Variants in CBFA2T2 observed in about 807,000 individuals in gnomAD.
CBFA2T2 encodes the protein protein CBFA2T2.
A neutral mutation model predicts 62.2 loss-of-function variants in CBFA2T2; 11 were observed. That is an observed-to-expected ratio of 0.18 (90% CI 0.11 to 0.29). The LOEUF (loss-of-function observed/expected upper bound fraction) is 0.29. Among genes scored for constraint, CBFA2T2 ranks in the 10% least tolerant of loss-of-function variants. CBFA2T2 has a pLI of 1.00. For missense variants in CBFA2T2, 592 were observed against 774.1 expected, an observed-to-expected ratio of 0.76 and a Z score of 2.79; for synonymous variants, 295 against 287.5, an observed-to-expected ratio of 1.03 and a Z score of -0.27.
chr20:33,585,379 T>A (rs2014316544), intron 1 of CBFA2T2, among the ~76,000 whole-genome samples: 1 of 152,260 alleles, frequency 6.6e-6, no homozygotes. Context: ...GTCTATTTTT[T>A]AATAAATAAT....
intron 3 of CBFA2T2, among the ~76,000 whole-genome samples, chr20:33,618,096 C>A (rs559763015): frequency 6.6e-6 from 1 of 151,984 alleles, no homozygotes. Flanking sequence ...TGCTCTACCC[C>A]CTCCCTGCAT....
chr20:33,591,544 G>A (rs2014637271), intron 1 of CBFA2T2, among the ~76,000 whole-genome samples: 1 of 151,288 alleles, frequency 6.6e-6, no homozygotes, highest in Admixed American at 6.6e-5. Context: ...TCACATCCAA[G>A]TTAACTGAGG....
intron 1 of CBFA2T2, among the ~76,000 whole-genome samples, chr20:33,533,154 C>T (rs1419279621): frequency 6.6e-6 from 1 of 152,068 alleles, no homozygotes; most frequent in Admixed American, 6.6e-5. Context: ...TTACAATAAA[C>T]TACACATATG....
chr20:33,628,209 G>A (rs2016317461), intron 6 of CBFA2T2, 141 bp from the exon 7 acceptor site: 1 of 616,650 alleles, frequency 1.6e-6, no homozygotes, highest in Non-Finnish European at 2.9e-6. Flanking sequence ...TTGTCATTTT[G>A]TGGGTCCCCC....
intron 1 of CBFA2T2, among the ~76,000 whole-genome samples, chr20:33,496,918 G>A (rs973963198): frequency 1.3e-5 from 2 of 151,976 alleles, no homozygotes; most frequent in African/African-American, 4.8e-5. Context: ...TCCTACTCCC[G>A]TCTCATGGGT....
chr20:33,643,783 A>AG (rs1340818842), intron 10 of CBFA2T2, among the ~76,000 whole-genome samples: 1 of 30,044 alleles, frequency 3.3e-5, no homozygotes, highest in African/African-American at 1.9e-4. Flanking sequence ...ATATATATAT[A>AG]TATATATATA....
At chr20:33,642,207 C>T (rs1322601116) in intron 10 of CBFA2T2, among the ~76,000 whole-genome samples, 1 of 150,664 alleles carries the variant, frequency 6.6e-6, no homozygotes, top group Non-Finnish European at 1.5e-5. Flanking sequence ...GTCTTGAACT[C>T]CTGGGCTCAA....
At chr20:33,501,635 T>TC (rs1213879786) in intron 1 of CBFA2T2, among the ~76,000 whole-genome samples, 2 of 113,566 alleles carry the variant, frequency 1.8e-5, no homozygotes, top group Non-Finnish European at 3.6e-5. Flanking sequence ...CCTTCCTTTT[T>TC]TTTTTTTTTT....
At chr20:33,500,755 G>A (rs1474189961) in intron 1 of CBFA2T2, among the ~76,000 whole-genome samples, 1 of 151,936 alleles carries the variant, frequency 6.6e-6, no homozygotes, top group East Asian at 1.9e-4. Context: ...CCAAATAATT[G>A]GGGTATGATT....
intron 1 of CBFA2T2, among the ~76,000 whole-genome samples, chr20:33,521,546 G>T (rs2011729896): frequency 6.6e-6 from 1 of 152,152 alleles, no homozygotes; most frequent in Non-Finnish European, 1.5e-5. Flanking sequence ...GCTGACCTGG[G>T]CTTGCCTGAT....
At chr20:33,568,573 T>TGTCCCTCTGCTCC (rs1280497408) in intron 1 of CBFA2T2, among the ~76,000 whole-genome samples, 7 of 152,304 alleles carry the variant, frequency 4.6e-5, no homozygotes, top group African/African-American at 1.7e-4. Context: ...GTGCCTGCTC[T>TGTCCCTCTGCTCC]GTCCCTCTGC....
intron 3 of CBFA2T2, among the ~76,000 whole-genome samples, chr20:33,617,443 C>G (rs1051077748): frequency 6.6e-6 from 1 of 152,188 alleles, no homozygotes; most frequent in Non-Finnish European, 1.5e-5. Context: ...GTTTATCCCT[C>G]TCATACAGGA....
intron 1 of CBFA2T2, among the ~76,000 whole-genome samples, chr20:33,584,805 A>G (rs1453322540): frequency 6.6e-6 from 1 of 152,184 alleles, no homozygotes; most frequent in African/African-American, 2.4e-5. Context: ...TATTTTATAG[A>G]GCTTGAGCCA....
At position 33,649,458 on chromosome 20, in the gene CBFA2T2, G is replaced by C. The variant is rs1175907076; in HGVS notation, c.*4812G>C. ...GGTGACCTTTTCCATCGTGAGCTAAGAGAAGGTTAGGAGGCCTGAGGGGCG... is the reference window on the plus strand; with the variant it reads ...GGTGACCTTTTCCATCGTGAGCTAACAGAAGGTTAGGAGGCCTGAGGGGCG... On this transcript the variant is annotated 3_prime_UTR_variant, in exon 11 of 11. Coordinates refer to ENST00000342704, the MANE Select transcript of CBFA2T2 (RefSeq NM_001032999.3). The C allele has an allele frequency of 6.6e-6, 1 of 152,658 alleles. No homozygotes were observed. The highest frequency in any genetic ancestry group is 2.4e-5 in the African/African-American group (1 of 41,462). The allele number at this position is 152,658 out of a possible 1,614,324, so 9.5% of individuals were successfully genotyped here.
intron 1 of CBFA2T2, among the ~76,000 whole-genome samples, chr20:33,582,169 G>T (rs910260350): frequency 6.6e-6 from 1 of 152,050 alleles, no homozygotes; most frequent in Non-Finnish European, 1.5e-5. Context: ...ACAGTGCTTG[G>T]GTCATGTTAG....
At chr20:33,527,047 C>A (rs1411689600) in intron 1 of CBFA2T2, among the ~76,000 whole-genome samples, 1 of 152,160 alleles carries the variant, frequency 6.6e-6, no homozygotes, top group African/African-American at 2.4e-5. Flanking sequence ...TGTTCCAGTC[C>A]TCAGCTGCAT....
intron 5 of CBFA2T2, among the ~76,000 whole-genome samples, chr20:33,624,337 A>T (rs2016131761): frequency 8.1e-6 from 1 of 123,180 alleles, no homozygotes; most frequent in African/African-American, 3.8e-5. Context: ...GACTGGCTTT[A>T]AAAAAAAAAA....
At position 33,554,333 on chromosome 20, in the gene CBFA2T2, G is replaced by A. The variant is rs139655310; in HGVS notation, c.35-52623G>A. Among the ~76,000 whole-genome samples, 838 of 148,994 alleles carry A rather than the reference G, an allele frequency of 5.6e-3. 5 individuals are homozygous for A. The highest frequency in any genetic ancestry group is 0.019 in the African/African-American group (783 of 40,552). On this transcript the variant is annotated intron_variant, in intron 1 of 10. Coordinates refer to ENST00000342704, the MANE Select transcript of CBFA2T2 (RefSeq NM_001032999.3). ...AGAGGCATGATCTCAGCTCACTGCA[G>A]CCTTCGCCTCCTGGGTTCAAGTGAT...
At chr20:33,619,300 A>G (rs1412705908) in intron 3 of CBFA2T2, among the ~76,000 whole-genome samples, 2 of 152,148 alleles carry the variant, frequency 1.3e-5, no homozygotes, top group African/African-American at 4.8e-5. Context: ...CGGGTGGATC[A>G]CAAAGTCAGG....
Sources: gnomAD v4.1 joint callset for allele counts (sites outside exome capture counted in the v4.1 genomes callset) on GRCh38, gnomAD v4.1.1 for gene constraint, MANE v1.5 for transcripts, NCBI Gene and HGNC (gene_info 2026-07-23, HGNC 2026-07-21) for gene names.